SLC39A11: variants seen among roughly 807,000 people sequenced by gnomAD.
SLC39A11 encodes the protein zinc transporter ZIP11.
A neutral mutation model predicts 36.1 loss-of-function variants in SLC39A11; 33 were observed. That is an observed-to-expected ratio of 0.91 (90% confidence interval 0.69 to 1.22). The LOEUF is 1.22. Among genes scored for constraint, SLC39A11 ranks in the 50% most tolerant of loss-of-function variants. SLC39A11 has a pLI of 0.00. For missense variants in SLC39A11, 432 were observed against 430.3 expected (o/e 1.00, Z -0.03); for synonymous variants, 166 against 170.3 (o/e 0.97, Z 0.20).
At chr17:73,063,730 T>C (rs79796862) in intron 3 of SLC39A11, among the ~76,000 whole-genome samples, 2,211 of 152,264 alleles carry the variant, frequency 0.015, 24 homozygotes, top group Non-Finnish European at 0.023. Flanking sequence ...AATAAACCAA[T>C]GTCACATAAT....
intron 3 of SLC39A11, chr17:73,073,568 T>C (rs1250779003): frequency 1.3e-5 from 2 of 152,156 alleles, no homozygotes; most frequent in Non-Finnish European, 2.9e-5. Flanking sequence ...TGCGTACCAG[T>C]GCAGAACAAG....
chr17:72,753,604 G>C (rs997132673), intron 6 of SLC39A11, among the ~76,000 whole-genome samples: 1 of 152,008 alleles, frequency 6.6e-6, no homozygotes, highest in Non-Finnish European at 1.5e-5. Flanking sequence ...GTTTTCTCCA[G>C]AGTAGGTTGT....
At chr17:72,975,224 A>G (rs190741553) in intron 4 of SLC39A11, among the ~76,000 whole-genome samples, 135 of 152,284 alleles carry the variant, frequency 8.9e-4, no homozygotes, top group Non-Finnish European at 5.9e-5. Context: ...GGATCACCTA[A>G]GGTCAGGAGT....
chr17:72,987,922 C>A (rs1046891394), intron 4 of SLC39A11, among the ~76,000 whole-genome samples: 3 of 152,176 alleles, frequency 2.0e-5, no homozygotes, highest in Admixed American at 2.0e-4. Context: ...CATTATTACT[C>A]TTGGCATGAA....
chr17:72,986,713 A>T (rs1191255651), intron 4 of SLC39A11, among the ~76,000 whole-genome samples: 1 of 152,152 alleles, frequency 6.6e-6, no homozygotes, highest in South Asian at 2.1e-4. Context: ...TGTGAGAAGC[A>T]CTTGTAGATT....
chr17:72,955,459 C>T (rs1276121609), intron 4 of SLC39A11, among the ~76,000 whole-genome samples: 4 of 136,360 alleles, frequency 2.9e-5, no homozygotes, highest in African/African-American at 8.2e-5. Flanking sequence ...CGCAACACCA[C>T]GTCTGGCTAA....
chr17:73,048,794 A>G (rs1294569429), intron 3 of SLC39A11, among the ~76,000 whole-genome samples: 1 of 152,182 alleles, frequency 6.6e-6, no homozygotes, highest in African/African-American at 2.4e-5. Flanking sequence ...TTATGTCTCT[A>G]TTCTTACTAT....
intron 6 of SLC39A11, among the ~76,000 whole-genome samples, chr17:72,836,983 C>G (rs944031646): frequency 2.0e-5 from 3 of 152,142 alleles, no homozygotes; most frequent in Non-Finnish European, 2.9e-5. Flanking sequence ...AGTCTTTACC[C>G]CAGGAAAATG....
intron 4 of SLC39A11, among the ~76,000 whole-genome samples, chr17:72,960,383 A>ATAGG (rs561968831): frequency 1.1e-3 from 169 of 152,254 alleles, no homozygotes; most frequent in East Asian, 3.7e-3. Flanking sequence ...TCTTGTATAC[A>ATAGG]TAGGTAGGTA....
At chr17:72,913,790 T>A in intron 5 of SLC39A11, among the ~76,000 whole-genome samples, 1 of 50,402 alleles carries the variant, frequency 2.0e-5, no homozygotes, top group Admixed American at 3.0e-4. Context: ...TCTGATAGAC[T>A]CTGTATCTCA....
intron 5 of SLC39A11, among the ~76,000 whole-genome samples, chr17:72,909,840 C>G (rs113440168): frequency 2.9e-3 from 436 of 151,420 alleles, no homozygotes; most frequent in Non-Finnish European, 3.5e-3. Flanking sequence ...CCGCTTCCCG[C>G]GTTCACGCCA....
At chr17:72,827,633 G>T (rs1238770163) in intron 6 of SLC39A11, among the ~76,000 whole-genome samples, 1 of 152,214 alleles carries the variant, frequency 6.6e-6, no homozygotes. Context: ...CAACAGGGGT[G>T]CATGGAAAAC....
chr17:72,819,467 A>G (rs1451880938), intron 6 of SLC39A11, among the ~76,000 whole-genome samples: 1 of 151,310 alleles, frequency 6.6e-6, no homozygotes, highest in Non-Finnish European at 1.5e-5. Flanking sequence ...CATAAGCCCT[A>G]AGAAACTAAT....
At chr17:72,944,542 C>A (rs1030293472) in intron 5 of SLC39A11, among the ~76,000 whole-genome samples, 8 of 151,976 alleles carry the variant, frequency 5.3e-5, no homozygotes, top group Non-Finnish European at 8.8e-5. Context: ...AACACACACA[C>A]ACACATACAC....
intron 6 of SLC39A11, among the ~76,000 whole-genome samples, chr17:72,746,630 C>T (rs1164227677): frequency 1.3e-5 from 2 of 151,736 alleles, no homozygotes; most frequent in Non-Finnish European, 2.9e-5. Flanking sequence ...CCCAGCTACT[C>T]GGGAGGCTGA....
In SLC39A11 at chr17:73,027,732, G is replaced by A. The variant is rs116009855; in HGVS notation, c.306+3824C>T. On this transcript the variant is annotated intron_variant, in intron 4 of 9. Coordinates refer to ENST00000255559, the MANE Select transcript of SLC39A11 (RefSeq NM_139177.4). Reference sequence around the variant, plus strand: ...AACCCAAGAGTGTGATGCCCTTCACGTCCCGAACACATATAACCAGGGTGG... The same window carrying A: ...AACCCAAGAGTGTGATGCCCTTCACATCCCGAACACATATAACCAGGGTGG... Among the ~76,000 whole-genome samples, 268 of 152,248 alleles carry A rather than the reference G, an allele frequency of 1.8e-3. 1 individual carries two copies. The highest frequency in any genetic ancestry group is 6.2e-3 in the African/African-American group (258 of 41,548).
At chr17:72,997,354 A>G (rs944330276) in intron 4 of SLC39A11, among the ~76,000 whole-genome samples, 10 of 152,102 alleles carry the variant, frequency 6.6e-5, no homozygotes, top group Non-Finnish European at 1.5e-5. Context: ...CCCAGGTTCA[A>G]GCGATTCTCC....
intron 5 of SLC39A11, among the ~76,000 whole-genome samples, chr17:72,892,983 A>G (rs1449442437): frequency 1.3e-5 from 2 of 152,176 alleles, no homozygotes; most frequent in Non-Finnish European, 2.9e-5. Flanking sequence ...TCAGGAAATG[A>G]GGTCTTCGTA....
chr17:72,872,512 G>T (rs541256727), intron 5 of SLC39A11, among the ~76,000 whole-genome samples: 1 of 152,206 alleles, frequency 6.6e-6, no homozygotes, highest in Non-Finnish European at 1.5e-5. Context: ...CTATGGCACC[G>T]AAAAGCTGAT....
Sources: gnomAD v4.1 joint callset for allele counts (sites outside exome capture counted in the v4.1 genomes callset) on GRCh38, gnomAD v4.1.1 for gene constraint, MANE v1.5 for transcripts, NCBI Gene and HGNC (gene_info 2026-07-23, HGNC 2026-07-21) for gene names.